The following KCNAB1 variants were observed in gnomAD, a reference collection of about 807,000 sequenced individuals.
KCNAB1 encodes voltage-gated potassium channel subunit beta-1.
In KCNAB1, 35 loss-of-function variants were observed where a neutral mutation model predicts 64.6. That is an observed-to-expected ratio of 0.54 (90% CI 0.41 to 0.72). The LOEUF (loss-of-function observed/expected upper bound fraction) is 0.72. Ranked by LOEUF, KCNAB1 falls within the 30% of genes least tolerant of loss-of-function variation. The pLI is 0.00. For missense variants in KCNAB1, 401 were observed against 512.9 expected, an observed-to-expected ratio of 0.78 and a Z score of 2.11; for synonymous variants, 177 against 183.8, an observed-to-expected ratio of 0.96 and a Z score of 0.30.
intron 13 of KCNAB1, among the ~76,000 whole-genome samples, 200 bp downstream of exon 13, chr3:156,531,697 C>A (rs1039633488): frequency 1.3e-5 from 2 of 152,208 alleles, no homozygotes; most frequent in Non-Finnish European, 2.9e-5. Flanking sequence ...AAGCTCATTT[C>A]TTGGGATGGT....
At chr3:156,166,817 C>T (rs1339745894) in intron 1 of KCNAB1, among the ~76,000 whole-genome samples, 1 of 152,134 alleles carries the variant, frequency 6.6e-6, no homozygotes, top group Non-Finnish European at 1.5e-5. Context: ...TCCATTTAAG[C>T]ATCTCCCCTT....
chr3:156,448,834 A>T (rs1711783940), intron 2 of KCNAB1, among the ~76,000 whole-genome samples: 1 of 152,226 alleles, frequency 6.6e-6, no homozygotes, highest in South Asian at 2.1e-4. Context: ...AAAGATTAAT[A>T]ACAGTCAACA....
chr3:156,342,528 G>T (rs1214372454), intron 1 of KCNAB1, among the ~76,000 whole-genome samples: 1 of 148,258 alleles, frequency 6.7e-6, no homozygotes. Flanking sequence ...GATTCACATT[G>T]AACTGGCTGG....
At chr3:156,524,486 G>A (rs1166948317) in intron 12 of KCNAB1, among the ~76,000 whole-genome samples, 1 of 152,176 alleles carries the variant, frequency 6.6e-6, no homozygotes, top group Admixed American at 6.5e-5. Context: ...GGTGGCTCAT[G>A]CCTGTAATCC....
chr3:156,229,344 C>T (rs113524565), intron 1 of KCNAB1, among the ~76,000 whole-genome samples: 1 of 152,082 alleles, frequency 6.6e-6, no homozygotes. Flanking sequence ...ACACACCTCA[C>T]AGATCTGTGA....
chr3:156,191,517 A>G (rs1003291905), intron 1 of KCNAB1, among the ~76,000 whole-genome samples: 1 of 152,106 alleles, frequency 6.6e-6, no homozygotes, highest in Non-Finnish European at 1.5e-5. Context: ...TGCAACCCCC[A>G]TGTTTTTTAT....
intron 1 of KCNAB1, among the ~76,000 whole-genome samples, chr3:156,202,757 A>AT (rs1439237735): frequency 6.6e-6 from 1 of 152,082 alleles, no homozygotes; most frequent in African/African-American, 2.4e-5. Flanking sequence ...CAGTGGTATT[A>AT]TTTTTTAAAT....
intron 12 of KCNAB1, among the ~76,000 whole-genome samples, chr3:156,527,434 C>G (rs1450592140): frequency 6.6e-6 from 1 of 152,130 alleles, no homozygotes; most frequent in East Asian, 1.9e-4. Flanking sequence ...TTAGCCATGG[C>G]AAGCAATCAG....
intron 2 of KCNAB1, among the ~76,000 whole-genome samples, chr3:156,444,968 T>A (rs111227138): frequency 6.6e-6 from 1 of 152,052 alleles, no homozygotes; most frequent in Admixed American, 6.6e-5. Context: ...ATGGCAGCAA[T>A]TGAGTAAAAG....
intron 1 of KCNAB1, among the ~76,000 whole-genome samples, chr3:156,378,060 C>G (rs1023309974): frequency 2.6e-5 from 4 of 151,560 alleles, no homozygotes; most frequent in African/African-American, 9.7e-5. Context: ...ATGCAGGGAG[C>G]CTTTATCTTC....
chr3:156,134,594 A>T (rs925051874), intron 1 of KCNAB1, among the ~76,000 whole-genome samples: 1 of 152,214 alleles, frequency 6.6e-6, no homozygotes, highest in Non-Finnish European at 1.5e-5. Flanking sequence ...TTCAGTTGTT[A>T]CTCTATTTGA....
At chr3:156,443,793 T>A (rs910236756) in intron 2 of KCNAB1, among the ~76,000 whole-genome samples, 1 of 151,582 alleles carries the variant, frequency 6.6e-6, no homozygotes. Flanking sequence ...ATTCTTTACT[T>A]GTAAATGGAG....
intron 1 of KCNAB1, among the ~76,000 whole-genome samples, chr3:156,174,675 C>T (rs192911090): frequency 1.3e-5 from 2 of 152,250 alleles, no homozygotes; most frequent in African/African-American, 4.8e-5. Context: ...CATCAGTGTG[C>T]CCGAGGTCGA....
At chr3:156,133,159 T>C (rs954816494) in intron 1 of KCNAB1, among the ~76,000 whole-genome samples, 3 of 152,234 alleles carry the variant, frequency 2.0e-5, no homozygotes, top group African/African-American at 7.2e-5. Context: ...TTTAATTACC[T>C]CTGGGATTTA....
intron 1 of KCNAB1, among the ~76,000 whole-genome samples, chr3:156,258,859 T>C (rs1718261284): frequency 6.6e-6 from 1 of 152,226 alleles, no homozygotes. Flanking sequence ...TGCCTTGCTG[T>C]TGAGTGAGCC....
chr3:156,147,328 A>G (rs1402137877), intron 1 of KCNAB1, among the ~76,000 whole-genome samples: 4 of 152,220 alleles, frequency 2.6e-5, no homozygotes, highest in Non-Finnish European at 5.9e-5. Flanking sequence ...AAGGAATAAT[A>G]TCCTTGCAAT....
intron 7 of KCNAB1, among the ~76,000 whole-genome samples, chr3:156,473,728 C>A (rs1268653147): frequency 1.3e-5 from 2 of 151,950 alleles, no homozygotes; most frequent in African/African-American, 4.8e-5. Flanking sequence ...TTAAATGAAC[C>A]AAATTTAAAT....
At chr3:156,187,489 C>T (rs1713277548) in intron 1 of KCNAB1, among the ~76,000 whole-genome samples, 1 of 152,206 alleles carries the variant, frequency 6.6e-6, no homozygotes, top group African/African-American at 2.4e-5. Flanking sequence ...CCCATTCCAT[C>T]CTGCTTCTTG....
At chr3:156,278,274 C>A (rs1299467338) in intron 1 of KCNAB1, among the ~76,000 whole-genome samples, 2 of 152,100 alleles carry the variant, frequency 1.3e-5, no homozygotes, top group African/African-American at 4.8e-5. Flanking sequence ...TCTTGAAAGA[C>A]CTTCAGGTTA....
Sources: gnomAD v4.1 joint callset for allele counts (sites outside exome capture counted in the v4.1 genomes callset) on GRCh38, gnomAD v4.1.1 for gene constraint, MANE v1.5 for transcripts, NCBI Gene and HGNC (gene_info 2026-07-23, HGNC 2026-07-21) for gene names.